DTX1: variants seen among roughly 807,000 people sequenced by gnomAD.
The protein encoded by DTX1 is deltex E3 ubiquitin ligase 1, also known as E3 ubiquitin-protein ligase DTX1.
In DTX1, 26 loss-of-function variants were observed where a neutral mutation model predicts 57.8. That is an observed-to-expected ratio of 0.45 (90% CI 0.33 to 0.62). The LOEUF is 0.62. Among genes scored for constraint, DTX1 ranks in the 20% least tolerant of loss-of-function variants. The pLI is 0.02. For missense variants in DTX1, 704 were observed against 895.3 expected, an observed-to-expected ratio of 0.79 and a Z score of 2.73; for synonymous variants, 398 against 394.1, an observed-to-expected ratio of 1.01 and a Z score of -0.12.
chr12:113,072,696 CTTTTTTTT>C (rs60642403), intron 2 of DTX1, among the ~76,000 whole-genome samples: 5 of 71,146 alleles, frequency 7.0e-5, no homozygotes, highest in African/African-American at 2.6e-4. Flanking sequence ...GAGAGATTTT[CTTTTTTTT>C]TTTTTTTTTT....
chr12:113,058,470 C>T lies in DTX1; in HGVS notation c.259+19C>T. ...GACACAGGTGAGCAGACACCCACCC[C>T]ATGCCACCCGCCCCGCCGAGCCATC... On this transcript the variant is annotated intron_variant, in intron 2 of 9. Transcript: ENST00000548759. The T allele has an allele frequency of 6.3e-7, 1 of 1,577,286 alleles. No homozygotes were observed.
intron 9 of DTX1, among the ~76,000 whole-genome samples, chr12:113,096,439 C>CAAAAA (rs56194115): frequency 2.2e-5 from 2 of 92,780 alleles, no homozygotes; most frequent in South Asian, 4.1e-4. Context: ...GACTCTGCCT[C>CAAAAA]AAAAAAAAAA....
In DTX1 at chr12:113,097,082, T is replaced by A; in HGVS notation, c.*143T>A. The A allele has an allele frequency of 1.1e-6, 1 of 902,556 alleles. No individual in the cohort carries two copies. Among genetic ancestry groups the A allele is most frequent in the Non-Finnish European group, 1.6e-6 (1 of 613,386 alleles). 55.9% of individuals were successfully genotyped at this position (902,556 alleles called of 1,614,324 possible). Reference sequence around the variant, plus strand: ...GCAGCCATTCAGGGGACCTGCCTGGTGGCAGCTGGGATGAAGAGAGATGGC... The same window carrying A: ...GCAGCCATTCAGGGGACCTGCCTGGAGGCAGCTGGGATGAAGAGAGATGGC... On this transcript the variant is annotated 3_prime_UTR_variant, in exon 10 of 10. Transcript: ENST00000548759.
chr12:113,096,946 A>C lies in DTX1; in HGVS notation c.*7A>C. 8 of 1,605,304 alleles carry C rather than the reference A, an allele frequency of 5.0e-6. No individual in the cohort carries two copies. Among genetic ancestry groups the C allele is most frequent in the Non-Finnish European group, 5.9e-6 (7 of 1,177,220 alleles). On this transcript the variant is annotated 3_prime_UTR_variant, in exon 10 of 10. Coordinates refer to ENST00000548759, the MANE Select transcript of DTX1 (RefSeq NM_004416.3). ...GGCTGCAGCCAAGGCTTGAGGCCCA[A>C]GGCTGCCCACCTTCCCTCCTGCTTT...
intron 2 of DTX1, among the ~76,000 whole-genome samples, chr12:113,070,721 C>T (rs1306560019): frequency 3.9e-5 from 6 of 152,212 alleles, no homozygotes; most frequent in African/African-American, 1.2e-4. Flanking sequence ...AGCTCTCCAT[C>T]GCTGGAAGTA....
chr12:113,070,046 C>T (rs1378219651), intron 2 of DTX1, among the ~76,000 whole-genome samples: 1 of 152,134 alleles, frequency 6.6e-6, no homozygotes, highest in African/African-American at 2.4e-5. Flanking sequence ...GCAAGGTGGC[C>T]TTGTGTAGGC....
chr12:113,079,010 G>T (rs1425293088), intron 3 of DTX1, among the ~76,000 whole-genome samples: 2 of 152,018 alleles, frequency 1.3e-5, no homozygotes, highest in Non-Finnish European at 2.9e-5. Flanking sequence ...TTCTCAGCAT[G>T]ATTTTATTAA....
chr12:113,080,132 C>A (rs567253014), intron 3 of DTX1, among the ~76,000 whole-genome samples: 1 of 152,166 alleles, frequency 6.6e-6, no homozygotes, highest in South Asian at 2.1e-4. Flanking sequence ...TCATTCCTCT[C>A]GGAGGAGAGG....
chr12:113,089,113 T>A (rs924066524), intron 3 of DTX1, among the ~76,000 whole-genome samples: 7 of 152,038 alleles, frequency 4.6e-5, no homozygotes, highest in Non-Finnish European at 8.8e-5. Flanking sequence ...CATGAGGATA[T>A]CTGGGAAGAG....
intron 2 of DTX1, among the ~76,000 whole-genome samples, chr12:113,066,392 G>C (rs991249744): frequency 6.6e-6 from 1 of 152,094 alleles, no homozygotes; most frequent in Non-Finnish European, 1.5e-5. Context: ...AGTGGGCATG[G>C]TGGTGGGCGC....
intron 6 of DTX1, 43 bp downstream of exon 6, chr12:113,094,142 AG>A: frequency 1.4e-6 from 2 of 1,458,686 alleles, no homozygotes; most frequent in South Asian, 2.5e-5. Flanking sequence ...CCTGGCATGG[AG>A]GGGGCAGGAA....
chr12:113,081,706 A>C (rs1029886805), intron 3 of DTX1, among the ~76,000 whole-genome samples: 2 of 152,126 alleles, frequency 1.3e-5, no homozygotes, highest in Non-Finnish European at 2.9e-5. Context: ...TGGTGTGTTC[A>C]GGGAAGGGCT....
intron 3 of DTX1, among the ~76,000 whole-genome samples, chr12:113,079,268 C>T (rs970154864): frequency 6.6e-6 from 1 of 152,126 alleles, no homozygotes. Flanking sequence ...AGAGAGGGCA[C>T]CCAAAACCAA....
At position 113,077,864 on chromosome 12, in the gene DTX1, C is replaced by G. The variant is rs2044784519; in HGVS notation, c.700C>G (p.Pro234Ala). The G allele has an allele frequency of 1.1e-5, 15 of 1,311,486 alleles. No individual in the cohort carries two copies. Among genetic ancestry groups the G allele is most frequent in the Non-Finnish European group, 1.4e-5 (15 of 1,040,346 alleles). The allele number at this position is 1,311,486 out of a possible 1,614,324, so 81.2% of individuals were successfully genotyped here. The change falls in exon 3 of 10, where the codon CCG becomes GCG. Residue 234 changes from proline (P) to alanine (A), a missense_variant. This residue lies in a region of DTX1 where 299 missense variants were observed against 311.2 expected (regional missense o/e 0.96). Coordinates refer to ENST00000548759, the MANE Select transcript of DTX1 (RefSeq NM_004416.3). The surrounding 1 kb of genome is among the most constrained non-coding windows in gnomAD (Gnocchi z 7.8). The stretch of plus-strand genomic sequence containing the variant: ...GGCGCCCCCCGCGCCCCCGCTGCCG[C>G]CGCCGCCGCCACCTGGAGGGCCTCC... ...RKAPPAPPLP[P>A]PPPPGGPPGA...
intron 2 of DTX1, 120 bp downstream of exon 2, chr12:113,058,571 C>A: frequency 6.8e-7 from 1 of 1,473,700 alleles, no homozygotes; most frequent in Non-Finnish European, 9.0e-7. Context: ...CTCCCTGCCT[C>A]ACCTCCAGAA....
At chr12:113,078,214 G>C (rs2044790362) in intron 3 of DTX1, 109 bp downstream of exon 3, 1 of 884,708 alleles carries the variant, frequency 1.1e-6, no homozygotes. Flanking sequence ...TAATAATAAT[G>C]ACGATAAGTA....
chr12:113,095,077 C>G lies in DTX1; in HGVS notation c.1422C>G (p.Ile474Met). The change falls in exon 8 of 10, where the codon ATC becomes ATG. Residue 474 changes from isoleucine (I) to methionine (M), a missense_variant. Coordinates refer to ENST00000548759, the MANE Select transcript of DTX1 (RefSeq NM_004416.3). Reference protein sequence around the residue: ...GSLQCPTCKAIYGEKTGTQPP... With the variant: ...GSLQCPTCKAMYGEKTGTQPP... ...TGCAGTGCCCCACCTGCAAGGCCATCTACGGGGAGAAGACGGGTACGCAGC... is the reference window on the plus strand; with the variant it reads ...TGCAGTGCCCCACCTGCAAGGCCATGTACGGGGAGAAGACGGGTACGCAGC... 6.2e-7 allele frequency: 1 copy of G among 1,613,486 alleles called. No individual in the cohort carries two copies.
At position 113,068,849 on chromosome 12, in the gene DTX1, G is replaced by A. The variant is rs768717751; in HGVS notation, c.260-8575G>A. On this transcript the variant is annotated intron_variant, in intron 2 of 9. Transcript: ENST00000548759. ...TCCAGGCTAGCACTCTGGTGGCATGGGCCAGAGGGCTGACAGTGGAAGTCG... is the reference window on the plus strand; with the variant it reads ...TCCAGGCTAGCACTCTGGTGGCATGAGCCAGAGGGCTGACAGTGGAAGTCG... Among the ~76,000 whole-genome samples the A allele has an allele frequency of 7.5e-4, 115 of 152,358 alleles. No individual in the cohort carries two copies. The Middle Eastern group carries it at 0.01, about 14-fold the overall frequency.
rs1592842560 is a variant in DTX1 at position 113,065,427 on chromosome 12, A to G, written c.259+6976A>G. On this transcript the variant is annotated intron_variant, in intron 2 of 9. Transcript: ENST00000548759. ...ACCGAGTACCTTGGACAGCACCATC[A>G]ACGACCCGCCCGCGCCTTCCGGGCT... Among the ~76,000 whole-genome samples, 4 of 151,630 alleles carry G rather than the reference A, an allele frequency of 2.6e-5. No individual in the cohort carries two copies. In the South Asian group the frequency reaches 8.4e-4, roughly 32 times the overall value.
Sources: gnomAD v4.1 joint callset for allele counts (sites outside exome capture counted in the v4.1 genomes callset) on GRCh38, gnomAD v4.1.1 for gene constraint, gnomAD v4.1.1 regional missense constraint, Gnocchi (gnomAD v3.1) non-coding constraint, MANE v1.5 for transcripts, NCBI Gene and HGNC (gene_info 2026-07-23, HGNC 2026-07-21) for gene names.